Variants in CCDC171 observed in about 807,000 individuals in gnomAD.
The protein encoded by CCDC171 is coiled-coil domain containing 171.
Under a neutral mutation model 168.2 loss-of-function variants are expected in CCDC171, and 177 were observed. That is an observed-to-expected ratio of 1.05 (90% CI 0.93 to 1.19). The LOEUF is 1.19. CCDC171 is among the 50% of genes most tolerant of loss of function. The pLI is 0.00. For missense variants in CCDC171, 1,991 were observed against 1,539.0 expected (o/e 1.29, Z -4.91); for synonymous variants, 687 against 540.8 (o/e 1.27, Z -3.75).
intron 4 of CCDC171, among the ~76,000 whole-genome samples, chr9:15,580,987 C>T (rs2131274548): frequency 6.6e-6 from 1 of 152,258 alleles, no homozygotes; most frequent in South Asian, 2.1e-4. Context: ...GAGGAAGTCA[C>T]ATTGTCTCTG....
At chr9:15,566,839 C>G (rs1017668769) in intron 2 of CCDC171, among the ~76,000 whole-genome samples, 1 of 151,996 alleles carries the variant, frequency 6.6e-6, no homozygotes, top group Admixed American at 6.6e-5. Flanking sequence ...TTTTAAGTTA[C>G]TTTTTGTACG....
At chr9:16,029,792 T>G (rs2133038462) in intron 6 of CCDC171, among the ~76,000 whole-genome samples, 1 of 152,336 alleles carries the variant, frequency 6.6e-6, no homozygotes, top group East Asian at 1.9e-4. Flanking sequence ...GATAATAGTC[T>G]GAGGTTTCAA....
intron 18 of CCDC171, among the ~76,000 whole-genome samples, chr9:15,748,943 C>G (rs940490128): frequency 1.3e-5 from 2 of 152,136 alleles, no homozygotes; most frequent in Non-Finnish European, 2.9e-5. Flanking sequence ...ATCATAATGA[C>G]AGGATCAAAT....
intron 7 of CCDC171, chr9:16,036,030 A>C (rs973386737): frequency 3.9e-5 from 6 of 152,204 alleles, no homozygotes; most frequent in African/African-American, 1.4e-4. Flanking sequence ...GTGTTGAAGA[A>C]AAGTTATTGG....
chr9:15,583,652 A>T (rs1294395198), intron 4 of CCDC171, among the ~76,000 whole-genome samples: 1 of 152,060 alleles, frequency 6.6e-6, no homozygotes, highest in African/African-American at 2.4e-5. Flanking sequence ...GGGGTGAGGG[A>T]TGAAAGACTA....
chr9:15,949,282 C>G (rs1350085686), intron 25 of CCDC171, among the ~76,000 whole-genome samples: 1 of 152,016 alleles, frequency 6.6e-6, no homozygotes, highest in African/African-American at 2.4e-5. Flanking sequence ...GTTTTTTTGG[C>G]TTGGGATTGA....
At chr9:15,578,260 G>C (rs147518940) in intron 3 of CCDC171, among the ~76,000 whole-genome samples, 1,945 of 147,634 alleles carry the variant, frequency 0.013, 24 homozygotes, top group Non-Finnish European at 0.02. Context: ...TTTTTTAGAC[G>C]GTCTTGCTCT....
chr9:15,737,803 C>A (rs2054594745), intron 16 of CCDC171, among the ~76,000 whole-genome samples: 1 of 152,030 alleles, frequency 6.6e-6, no homozygotes, highest in Non-Finnish European at 1.5e-5. Context: ...TGTATGAAGA[C>A]TAGATAATAG....
chr9:15,733,772 C>T (rs1341013332), intron 16 of CCDC171, among the ~76,000 whole-genome samples: 2 of 151,898 alleles, frequency 1.3e-5, no homozygotes, highest in African/African-American at 4.8e-5. Context: ...CATAGCAATT[C>T]ACTTTTTTCT....
intron 24 of CCDC171, chr9:15,875,799 A>G (rs1319162618): frequency 1.3e-5 from 2 of 152,044 alleles, no homozygotes; most frequent in Middle Eastern, 3.2e-3. Context: ...TTCTTTCATT[A>G]GATTGTCCAA....
chr9:15,898,370 G>A (rs1563960811), intron 24 of CCDC171, among the ~76,000 whole-genome samples: 1 of 152,118 alleles, frequency 6.6e-6, no homozygotes, highest in Non-Finnish European at 1.5e-5. Flanking sequence ...ACTCTTTTGA[G>A]GCAACAGGCT....
intron 3 of CCDC171, among the ~76,000 whole-genome samples, chr9:15,998,412 A>G (rs1477602381): frequency 6.6e-6 from 1 of 152,174 alleles, no homozygotes; most frequent in African/African-American, 2.4e-5. Flanking sequence ...TCCTAGTCAG[A>G]TGCTATGTAG....
chr9:15,948,422 A>T (rs960602083), intron 25 of CCDC171, among the ~76,000 whole-genome samples: 10 of 141,604 alleles, frequency 7.1e-5, no homozygotes, highest in African/African-American at 2.6e-4. Flanking sequence ...CAATGGTAGA[A>T]CTAGTTTACA....
At chr9:15,594,255 C>T (rs559614633) in intron 6 of CCDC171, 83 bp downstream of exon 6, 52 of 759,440 alleles carry the variant, frequency 6.8e-5, no homozygotes, top group African/African-American at 4.6e-4. Flanking sequence ...ATAACTGACT[C>T]GCTCAAAGGG....
chr9:16,040,206 G>C (rs549355860), upstream of CCDC171, among the ~76,000 whole-genome samples: 1 of 152,184 alleles, frequency 6.6e-6, no homozygotes, highest in African/African-American at 2.4e-5. Context: ...CACAGGCATC[G>C]TGTTGGAGGC....
At chr9:15,952,135 C>T (rs1028215417) in intron 25 of CCDC171, among the ~76,000 whole-genome samples, 3 of 152,052 alleles carry the variant, frequency 2.0e-5, no homozygotes, top group African/African-American at 4.8e-5. Context: ...GTTGAAAAGA[C>T]GTATTTTTTC....
Position 15,594,008 on chromosome 9 carries a change from CT to C in CCDC171, c.544-32del, listed in dbSNP as rs1231034654. 3.4e-6 allele frequency: 5 copies of C among 1,492,200 alleles called. No individual in the cohort carries two copies. In the East Asian group the frequency reaches 1.2e-4, roughly 35 times the overall value. 92.4% of individuals were successfully genotyped at this position (1,492,200 alleles called of 1,614,324 possible). A position where few individuals can be genotyped will look rare whatever the true frequency, so the allele number is the denominator to read the frequency against. Reference sequence around the variant, plus strand: ...ATGAAGGAAGATAACTTTTATTGATCTAACAGTAAAGCAAGATTTTATTTAT... The same window carrying C: ...ATGAAGGAAGATAACTTTTATTGATCAACAGTAAAGCAAGATTTTATTTAT... On this transcript the variant is annotated intron_variant, in intron 5 of 25. Transcript: ENST00000380701.
intron 6 of CCDC171, among the ~76,000 whole-genome samples, chr9:15,609,952 T>G (rs2043528248): frequency 6.6e-6 from 1 of 152,158 alleles, no homozygotes; most frequent in South Asian, 2.1e-4. Flanking sequence ...ATAATGCTTA[T>G]CTCTTCTATT....
intron 6 of CCDC171, among the ~76,000 whole-genome samples, chr9:15,601,181 G>A (rs941807198): frequency 3.9e-5 from 6 of 152,102 alleles, no homozygotes; most frequent in Admixed American, 2.0e-4. Context: ...AGATGAACCC[G>A]GTACCTGAGT....
Sources: allele counts gnomAD v4.1 joint callset (sites outside exome capture counted in the v4.1 genomes callset), GRCh38; gene constraint gnomAD v4.1.1; transcripts MANE v1.5; gene names NCBI Gene and HGNC (gene_info 2026-07-23, HGNC 2026-07-21).